Variants in TMPRSS7 observed in about 807,000 individuals in gnomAD.
TMPRSS7 encodes transmembrane serine protease 7, also known as transmembrane protease serine 7.
In TMPRSS7, 81 loss-of-function variants were observed where a neutral mutation model predicts 95.6. The ratio of observed to expected loss-of-function variants is 0.85; its 90% CI spans 0.71 to 1.02. The LOEUF is 1.02. Among genes scored for constraint, TMPRSS7 ranks in the 50% least tolerant of loss-of-function variants. The probability of loss-of-function intolerance (pLI) is 0.00; values close to 1 mark genes in which losing one functional copy is unlikely to be tolerated. For synonymous variants in TMPRSS7, 364 were observed against 337.8 expected (o/e 1.08, Z -0.85); for missense variants, 945 against 955.2 (o/e 0.99, Z 0.14).
chr3:112,054,755 T>G (rs2073410776), intron 9 of TMPRSS7, among the ~76,000 whole-genome samples: 1 of 109,774 alleles, frequency 9.1e-6, no homozygotes, highest in Non-Finnish European at 1.9e-5. Context: ...TTTTTTTTTT[T>G]TTTGAGACGG....
At chr3:112,061,792 G>A (rs747639255) in exon 11 of TMPRSS7, 1 of 1,606,116 alleles carries the variant, frequency 6.2e-7, no homozygotes, top group Non-Finnish European at 8.5e-7. Flanking sequence ...CCCAGGTACT[G>A]TGGCTCCTAC....
intron 10 of TMPRSS7, among the ~76,000 whole-genome samples, chr3:112,057,352 G>T (rs1443747441): frequency 6.6e-6 from 1 of 152,212 alleles, no homozygotes; most frequent in African/African-American, 2.4e-5. Flanking sequence ...GCTCTCTGCT[G>T]CTGGGCTACA....
At chr3:112,056,506 C>T (rs1005105031) in intron 9 of TMPRSS7, among the ~76,000 whole-genome samples, 64 of 152,238 alleles carry the variant, frequency 4.2e-4, no homozygotes, top group African/African-American at 1.3e-3. Flanking sequence ...CACACACACA[C>T]GCACACACAC....
chr3:112,036,751 C>T (rs564014131), intron 1 of TMPRSS7, among the ~76,000 whole-genome samples: 9 of 152,216 alleles, frequency 5.9e-5, no homozygotes, highest in East Asian at 1.9e-4. Context: ...GAAACTGTTG[C>T]GGGAAGTCAG....
intron 2 of TMPRSS7, among the ~76,000 whole-genome samples, chr3:112,040,517 A>C (rs2073194657): frequency 1.3e-5 from 2 of 152,166 alleles, no homozygotes; most frequent in African/African-American, 2.4e-5. Context: ...TGAGCAAGAT[A>C]AGATCTCTGT....
At chr3:112,041,795 C>T in intron 2 of TMPRSS7, 125 bp from the exon 3 acceptor site, 1 of 636,764 alleles carries the variant, frequency 1.6e-6, no homozygotes, top group East Asian at 2.7e-5. Context: ...AGGCTCTGAA[C>T]CAGTTAGTAT....
intron 16 of TMPRSS7, among the ~76,000 whole-genome samples, chr3:112,078,456 C>T (rs1171432694): frequency 6.6e-6 from 1 of 152,126 alleles, no homozygotes; most frequent in African/African-American, 2.4e-5. Flanking sequence ...CTACGGAAAA[C>T]AGGAGGGAAA....
intron 5 of TMPRSS7, 136 bp from the exon 6 acceptor site, chr3:112,046,838 C>A: frequency 1.6e-6 from 1 of 637,308 alleles, no homozygotes; most frequent in Admixed American, 2.5e-5. Context: ...CTCATCCTCA[C>A]TGGATTATTT....
chr3:112,047,499 G>A, intron 6 of TMPRSS7: 7 of 634,600 alleles, frequency 1.1e-5, no homozygotes, highest in South Asian at 9.1e-5. Context: ...CCTGGGTTAT[G>A]TGCCCACCTC....
intron 13 of TMPRSS7, among the ~76,000 whole-genome samples, chr3:112,068,079 G>C (rs575457745): frequency 2.0e-5 from 3 of 152,236 alleles, no homozygotes; most frequent in African/African-American, 7.2e-5. Context: ...TATTAAATAG[G>C]GAATCCTTTC....
At chr3:112,072,963 T>C (rs938490057) in intron 13 of TMPRSS7, among the ~76,000 whole-genome samples, 7 of 152,368 alleles carry the variant, frequency 4.6e-5, no homozygotes, top group African/African-American at 1.7e-4. Flanking sequence ...ATGGTATTTC[T>C]AGTTCTAGAT....
chr3:112,045,730 T>A lies in TMPRSS7; in HGVS notation c.498-20T>A. ...TAAAGTCCTATGAGGTCCCTGATGATCTCTCTTTTTTCGTTATAGCAGCAA... is the reference window on the plus strand; with the variant it reads ...TAAAGTCCTATGAGGTCCCTGATGAACTCTCTTTTTTCGTTATAGCAGCAA... On this transcript the variant is annotated intron_variant, in intron 4 of 17. Coordinates refer to ENST00000452346, the Ensembl canonical transcript of TMPRSS7. The A allele has an allele frequency of 6.5e-7, 1 of 1,534,768 alleles. No individual in the cohort carries two copies. The highest frequency in any genetic ancestry group is 1.2e-5 in the South Asian group (1 of 80,940).
Position 112,078,350 on chromosome 3 carries a change from G to A in TMPRSS7, c.2225-392G>A, listed in dbSNP as rs147086778. Among the ~76,000 whole-genome samples the A allele has an allele frequency of 7.2e-5, 11 of 152,154 alleles. No homozygotes were observed. In the East Asian group the frequency reaches 2.1e-3, roughly 29 times the overall value. ...ATTTGCAAACTGTTAGGTTTTTATGGTTCATCAGAGACTCCCATATATCAG... is the reference window on the plus strand; with the variant it reads ...ATTTGCAAACTGTTAGGTTTTTATGATTCATCAGAGACTCCCATATATCAG... On this transcript the variant is annotated intron_variant, in intron 16 of 17. Coordinates refer to ENST00000452346, the Ensembl canonical transcript of TMPRSS7.
intron 13 of TMPRSS7, among the ~76,000 whole-genome samples, chr3:112,070,849 A>G (rs758411826): frequency 7.1e-4 from 108 of 152,200 alleles, no homozygotes; most frequent in Admixed American, 7.8e-4. Context: ...ACATATGTAT[A>G]CATGTGCCAT....
At chr3:112,060,228 T>TCACAGGAC (rs1289244843) in intron 10 of TMPRSS7, among the ~76,000 whole-genome samples, 3 of 152,158 alleles carry the variant, frequency 2.0e-5, no homozygotes, top group Non-Finnish European at 4.4e-5. Flanking sequence ...CAGGGCGAGA[T>TCACAGGAC]CACAGGACCA....
intron 13 of TMPRSS7, among the ~76,000 whole-genome samples, chr3:112,070,345 C>T (rs1238990991): frequency 6.6e-6 from 1 of 152,132 alleles, no homozygotes; most frequent in Non-Finnish European, 1.5e-5. Context: ...TCTATTAGGT[C>T]CACTTGGTGC....
At chr3:112,052,156 G>C (rs187839627) in intron 9 of TMPRSS7, among the ~76,000 whole-genome samples, 2 of 152,226 alleles carry the variant, frequency 1.3e-5, no homozygotes, top group Non-Finnish European at 2.9e-5. Context: ...TCTATAGCCT[G>C]AGTTGGGGGT....
At chr3:112,065,149 T>G (rs2073558098) in intron 12 of TMPRSS7, among the ~76,000 whole-genome samples, 2 of 152,134 alleles carry the variant, frequency 1.3e-5, no homozygotes, top group Admixed American at 1.3e-4. Flanking sequence ...CAAGGGATCC[T>G]CCCTCCTCAG....
intron 2 of TMPRSS7, 37 bp downstream of exon 2, chr3:112,038,358 T>A (rs1260562614): frequency 4.3e-6 from 3 of 692,488 alleles, no homozygotes; most frequent in Admixed American, 2.0e-5. Flanking sequence ...GGGTTAGGGC[T>A]TATGGTATGA....
Sources: gnomAD v4.1 joint callset for allele counts (sites outside exome capture counted in the v4.1 genomes callset) on GRCh38, gnomAD v4.1.1 for gene constraint, MANE v1.5 for transcripts, NCBI Gene and HGNC (gene_info 2026-07-23, HGNC 2026-07-21) for gene names.